Variants in PLCB1 observed in about 807,000 individuals in gnomAD.
PLCB1 encodes 1-phosphatidylinositol 4,5-bisphosphate phosphodiesterase beta-1.
A neutral mutation model predicts 161.8 loss-of-function variants in PLCB1; 46 were observed. The observed-to-expected ratio is 0.28, with a 90% CI of 0.22 to 0.36. PLCB1 has a LOEUF of 0.36. Ranked by LOEUF, PLCB1 falls within the 10% of genes least tolerant of loss-of-function variation. The pLI is 1.00. For missense variants in PLCB1, 1,016 were observed against 1,472.5 expected (o/e 0.69, Z 5.07); for synonymous variants, 517 against 503.7 (o/e 1.03, Z -0.35).
At chr20:8,151,491 T>C (rs767171973) in intron 2 of PLCB1, among the ~76,000 whole-genome samples, 4 of 152,260 alleles carry the variant, frequency 2.6e-5, no homozygotes, top group South Asian at 2.1e-4. Flanking sequence ...CCTGGAACCA[T>C]GTGTGGCTGT....
rs552495144 is a variant in PLCB1, at chr20:8,798,442, C to G, written c.3423+8181C>G. ...AATTTTGGTGGATGGCTATCTGCCCCGTTCTCAATGCTGTCTCTCTAATGA... is the reference window on the plus strand; with the variant it reads ...AATTTTGGTGGATGGCTATCTGCCCGGTTCTCAATGCTGTCTCTCTAATGA... On this transcript the variant is annotated intron_variant, in intron 31 of 31. Transcript: ENST00000338037. 3.3e-5 allele frequency among the ~76,000 whole-genome samples: 5 copies of G among 152,232 alleles called. No individual in the cohort carries two copies. The South Asian group carries it at 8.3e-4, about 25-fold the overall frequency.
chr20:8,506,090 G>A (rs1983625270), intron 3 of PLCB1, among the ~76,000 whole-genome samples: 1 of 152,176 alleles, frequency 6.6e-6, no homozygotes, highest in Non-Finnish European at 1.5e-5. Flanking sequence ...TTACTCAGAT[G>A]CTGTTCTTTT....
At chr20:8,500,476 A>G (rs564510224) in intron 3 of PLCB1, among the ~76,000 whole-genome samples, 1 of 152,328 alleles carries the variant, frequency 6.6e-6, no homozygotes, top group Admixed American at 6.5e-5. Flanking sequence ...GATATGAGCA[A>G]TGATGGTAGG....
chr20:8,793,941 C>T (rs1355444230), intron 31 of PLCB1, among the ~76,000 whole-genome samples: 2 of 152,132 alleles, frequency 1.3e-5, no homozygotes, highest in East Asian at 3.9e-4. Flanking sequence ...CACCCGCAGG[C>T]GCACATTATC....
chr20:8,690,750 G>A (rs987690247), intron 10 of PLCB1, among the ~76,000 whole-genome samples: 1 of 152,182 alleles, frequency 6.6e-6, no homozygotes, highest in South Asian at 2.1e-4. Context: ...AGGAAAGGAG[G>A]GGATTAGTTT....
chr20:8,297,728 A>G (rs1378642423), intron 2 of PLCB1, among the ~76,000 whole-genome samples: 2 of 152,132 alleles, frequency 1.3e-5, no homozygotes, highest in Non-Finnish European at 2.9e-5. Context: ...TAGAAATAAC[A>G]GCAGGGCATT....
At chr20:8,657,325 A>G (rs746225677) in intron 8 of PLCB1, 41 bp downstream of exon 8, 9 of 1,187,556 alleles carry the variant, frequency 7.6e-6, no homozygotes, top group Non-Finnish European at 1.0e-5. Context: ...TTCAGCTTGC[A>G]TTGATTCTCA....
chr20:8,829,105 A>G (rs1985856915), intron 31 of PLCB1, among the ~76,000 whole-genome samples: 1 of 152,208 alleles, frequency 6.6e-6, no homozygotes, highest in Non-Finnish European at 1.5e-5. Flanking sequence ...GTCCACTGTA[A>G]AATGATTTCA....
intron 10 of PLCB1, among the ~76,000 whole-genome samples, chr20:8,687,609 C>T (rs1990389531): frequency 6.6e-6 from 1 of 152,182 alleles, no homozygotes; most frequent in South Asian, 2.1e-4. Flanking sequence ...TCCTGAGTTA[C>T]TTCACTTAGA....
At chr20:8,523,868 C>T (rs1469506860) in intron 3 of PLCB1, among the ~76,000 whole-genome samples, 1 of 151,980 alleles carries the variant, frequency 6.6e-6, no homozygotes, top group South Asian at 2.1e-4. Flanking sequence ...AGCAACTCCA[C>T]GGATGCAGAA....
At chr20:8,683,281 G>A (rs1267598206) in intron 9 of PLCB1, among the ~76,000 whole-genome samples, 1 of 151,822 alleles carries the variant, frequency 6.6e-6, no homozygotes, top group Non-Finnish European at 1.5e-5. Context: ...ATCTCTGAAA[G>A]AAAAGTTAGG....
chr20:8,527,079 A>C (rs2122902738), intron 3 of PLCB1, among the ~76,000 whole-genome samples: 1 of 152,236 alleles, frequency 6.6e-6, no homozygotes, highest in East Asian at 1.9e-4. Context: ...GTGATGCCAG[A>C]CACACTTGAG....
At chr20:8,174,756 ATATTG>A (rs1454790406) in intron 2 of PLCB1, among the ~76,000 whole-genome samples, 3 of 152,188 alleles carry the variant, frequency 2.0e-5, no homozygotes, top group Non-Finnish European at 4.4e-5. Context: ...TCACATATGC[ATATTG>A]TATTAGGCCA....
At chr20:8,344,680 G>C (rs1275859559) in intron 2 of PLCB1, among the ~76,000 whole-genome samples, 2 of 152,160 alleles carry the variant, frequency 1.3e-5, no homozygotes, top group Non-Finnish European at 2.9e-5. Flanking sequence ...ACAGGATTAA[G>C]CCCACACTTG....
chr20:8,321,753 A>G (rs1183670906), intron 2 of PLCB1, among the ~76,000 whole-genome samples: 1 of 152,160 alleles, frequency 6.6e-6, no homozygotes, highest in East Asian at 1.9e-4. Flanking sequence ...CCCACATTAA[A>G]TGCCACCATC....
chr20:8,616,986 G>T (rs1214025621), intron 3 of PLCB1, among the ~76,000 whole-genome samples: 3 of 152,170 alleles, frequency 2.0e-5, no homozygotes, highest in African/African-American at 7.2e-5. Context: ...GAAGGCCTAA[G>T]GAGAGAGATC....
intron 3 of PLCB1, among the ~76,000 whole-genome samples, chr20:8,396,503 T>C (rs1021571118): frequency 5.3e-5 from 8 of 152,152 alleles, no homozygotes; most frequent in African/African-American, 1.9e-4. Context: ...AAACCAATTA[T>C]TTTAGAGGCC....
Position 8,602,495 on chromosome 20 carries a change from A to T in PLCB1, c.247-25799A>T, listed in dbSNP as rs1048279205. On this transcript the variant is annotated intron_variant, in intron 3 of 31. Coordinates refer to ENST00000338037, the MANE Select transcript of PLCB1 (RefSeq NM_015192.4). ...TTATCCACAAGCTGTGTAATACACGATGATTAACCAGAGGTTACAGATTCT... is the reference window on the plus strand; with the variant it reads ...TTATCCACAAGCTGTGTAATACACGTTGATTAACCAGAGGTTACAGATTCT... Among the ~76,000 whole-genome samples the T allele has an allele frequency of 3.3e-5, 5 of 152,346 alleles. No individual in the cohort carries two copies. The South Asian group carries it at 6.2e-4, about 19-fold the overall frequency.
chr20:8,196,735 C>T (rs531212887), intron 2 of PLCB1, among the ~76,000 whole-genome samples: 67 of 151,546 alleles, frequency 4.4e-4, no homozygotes, highest in African/African-American at 1.4e-3. Context: ...TTGTTACATA[C>T]GTATACATGT....
Sources: gnomAD v4.1 joint callset for allele counts (sites outside exome capture counted in the v4.1 genomes callset) on GRCh38, gnomAD v4.1.1 for gene constraint, MANE v1.5 for transcripts, NCBI Gene and HGNC (gene_info 2026-07-23, HGNC 2026-07-21) for gene names.